PSD2: variants seen among roughly 807,000 people sequenced by gnomAD.
The protein encoded by PSD2 is pleckstrin and Sec7 domain containing 2.
PSD2 carries 38 observed loss-of-function variants against 69.8 expected under a neutral mutation model. The observed-to-expected ratio is 0.54, with a 90% CI of 0.42 to 0.71. The LOEUF is 0.71. PSD2 is among the 30% of genes least tolerant of loss of function. PSD2 has a pLI of 0.00. For synonymous variants in PSD2, 412 were observed against 423.0 expected (o/e 0.97, Z 0.32); for missense variants, 943 against 1,014.5 (o/e 0.93, Z 0.96).
chr5:139,774,675 A>G, the PSD2 span, among the ~76,000 whole-genome samples: 1 of 152,012 alleles, frequency 6.6e-6, no homozygotes, highest in Non-Finnish European at 1.5e-5. Flanking sequence ...ATTTTTTAGT[A>G]GAGACGGGGT....
chr5:139,759,965 C>G, the PSD2 span, among the ~76,000 whole-genome samples: 1 of 152,234 alleles, frequency 6.6e-6, no homozygotes, highest in Admixed American at 6.5e-5. Flanking sequence ...AAGGCCAGGC[C>G]TTGCCCAAGG....
chr5:139,774,778 C>T, the PSD2 span, among the ~76,000 whole-genome samples: 1 of 152,230 alleles, frequency 6.6e-6, no homozygotes, highest in African/African-American at 2.4e-5. Context: ...GCGTGAGCCA[C>T]TGCGCCCGGC....
the PSD2 span, among the ~76,000 whole-genome samples, chr5:139,781,689 A>G: frequency 6.7e-6 from 1 of 150,362 alleles, no homozygotes; most frequent in Non-Finnish European, 1.5e-5. Flanking sequence ...GCTGGAGTGC[A>G]ATGGCGCAAT....
chr5:139,820,203 GCA>G (rs1186606837), intron 5 of PSD2, among the ~76,000 whole-genome samples: 1 of 152,168 alleles, frequency 6.6e-6, no homozygotes, highest in Non-Finnish European at 1.5e-5. Flanking sequence ...GCGGCTTGGG[GCA>G]GAGTGTCCAG....
the PSD2 span, among the ~76,000 whole-genome samples, chr5:139,782,377 T>TTTTG: frequency 6.6e-6 from 1 of 152,012 alleles, no homozygotes. Flanking sequence ...AGAGATGACG[T>TTTTG]TTTGCCATGT....
chr5:139,778,753 T>C, the PSD2 span, among the ~76,000 whole-genome samples: 7 of 150,380 alleles, frequency 4.7e-5, no homozygotes, highest in Non-Finnish European at 1.0e-4. Flanking sequence ...CAGAAACCCA[T>C]CTCTCCAAAA....
the PSD2 span, among the ~76,000 whole-genome samples, chr5:139,771,218 G>T: frequency 6.6e-6 from 1 of 152,198 alleles, no homozygotes; most frequent in Non-Finnish European, 1.5e-5. Context: ...ACTGGCCCGG[G>T]TGGCGGAGTC....
chr5:139,789,464 C>G, the PSD2 span, among the ~76,000 whole-genome samples: 8 of 152,342 alleles, frequency 5.3e-5, no homozygotes, highest in African/African-American at 1.9e-4. Flanking sequence ...ATATTTACAG[C>G]TGACTTCTTC....
rs775305748 is a variant in PSD2, at chr5:139,813,321, C to G, written c.384C>G (p.Pro128=). 6.4e-7 allele frequency: 1 copy of G among 1,553,184 alleles called. No homozygotes were observed. The highest frequency in any genetic ancestry group is 1.2e-5 in the South Asian group (1 of 82,082). The change falls in exon 3 of 15, where the codon CCC becomes CCG. Residue 128 remains proline, a synonymous_variant. Transcript: ENST00000274710. ...TTGCATCCCACAGGTTGGATGGTCC[C>G]GGGGAGCCAGATGTGCGGGATGGCT... ...AEDPQLGLDG[P]GEPDVRDGFS...
Position 139,835,878 on chromosome 5 carries a change from T to C in PSD2, c.1403+112T>C, listed in dbSNP as rs529669240. ...TCTCCATGGTGCTGATCCCTCCCAA[T>C]CCAGGGCCTGATACCTGTGTCTAGC... On this transcript the variant is annotated intron_variant, in intron 9 of 14. Coordinates refer to ENST00000274710, the MANE Select transcript of PSD2 (RefSeq NM_032289.4). The C allele has an allele frequency of 1.1e-4, 108 of 1,016,540 alleles. No homozygotes were observed. The South Asian group carries it at 1.4e-3, about 13-fold the overall frequency. 63.0% of individuals were successfully genotyped at this position (1,016,540 alleles called of 1,614,324 possible).
At chr5:139,766,901 T>C in the PSD2 span, among the ~76,000 whole-genome samples, 1 of 143,658 alleles carries the variant, frequency 7.0e-6, no homozygotes, top group African/African-American at 2.6e-5. Flanking sequence ...CTTTCCCTCT[T>C]TCCCTCCCTT....
At chr5:139,769,888 A>G in the PSD2 span, among the ~76,000 whole-genome samples, 1 of 152,230 alleles carries the variant, frequency 6.6e-6, no homozygotes, top group African/African-American at 2.4e-5. Context: ...ACAGGGCCCC[A>G]TGCTCACCAG....
At chr5:139,817,132 G>C (rs896148582) in intron 4 of PSD2, among the ~76,000 whole-genome samples, 2 of 152,184 alleles carry the variant, frequency 1.3e-5, no homozygotes, top group African/African-American at 4.8e-5. Flanking sequence ...CTCATCACTT[G>C]CTGCCCCATT....
At chr5:139,834,262 G>T (rs1481620400) in intron 8 of PSD2, among the ~76,000 whole-genome samples, 1 of 152,056 alleles carries the variant, frequency 6.6e-6, no homozygotes, top group Non-Finnish European at 1.5e-5. Context: ...CAGGTTTTTG[G>T]TGGCTCGGTG....
chr5:139,764,250 G>A, the PSD2 span, among the ~76,000 whole-genome samples: 1 of 152,210 alleles, frequency 6.6e-6, no homozygotes, highest in Non-Finnish European at 1.5e-5. Context: ...CGTGTGACTT[G>A]TCGCCGCCAC....
At chr5:139,795,272 T>G (rs1368936745), upstream of PSD2, among the ~76,000 whole-genome samples, 9 of 152,106 alleles carry the variant, frequency 5.9e-5, no homozygotes, top group Non-Finnish European at 1.3e-4. The surrounding 1 kb of genome is among the most constrained non-coding windows in gnomAD (Gnocchi z 4.5). Flanking sequence ...AGTCTCCCTC[T>G]CTGAGATTCT....
chr5:139,778,945 C>CAAAAAAAAAAAAAAAA, the PSD2 span, among the ~76,000 whole-genome samples: 18 of 99,892 alleles, frequency 1.8e-4, no homozygotes, highest in African/African-American at 2.6e-4. Context: ...AGAAAAAAAA[C>CAAAAAAAAAAAAAAAA]AAAAAAAAAA....
At chr5:139,830,553 CCTTCCTTCCTTCCTTT>C (rs1287223659) in intron 7 of PSD2, among the ~76,000 whole-genome samples, 73 of 133,998 alleles carry the variant, frequency 5.4e-4, no homozygotes, top group African/African-American at 6.8e-4. Context: ...TTCCTTCCTT[CCTTCCTTCCTTCCTTT>C]CTTTCTTTCT....
At position 139,837,063 on chromosome 5, in the gene PSD2, G is replaced by C. The variant is rs1414150984; in HGVS notation, c.1594+62G>C. On this transcript the variant is annotated intron_variant, in intron 10 of 14. Coordinates refer to ENST00000274710, the MANE Select transcript of PSD2 (RefSeq NM_032289.4). The surrounding 1 kb of genome is among the most constrained non-coding windows in gnomAD (Gnocchi z 5.0). ...GCTGGCACAGAGGGGGGCGCCACGG[G>C]CCACTCTTTGGGGACGAACATACAG... is the stretch of plus-strand genomic sequence containing the variant. 2.5e-6 allele frequency: 4 copies of C among 1,594,034 alleles called. No individual in the cohort carries two copies. The African/African-American group carries it at 5.4e-5, about 21-fold the overall frequency.
Sources: gnomAD v4.1 joint callset for allele counts (sites outside exome capture counted in the v4.1 genomes callset) on GRCh38, gnomAD v4.1.1 for gene constraint, Gnocchi (gnomAD v3.1) non-coding constraint, MANE v1.5 for transcripts, NCBI Gene and HGNC (gene_info 2026-07-23, HGNC 2026-07-21) for gene names.